KIAA1671: variants seen among roughly 807,000 people sequenced by gnomAD.
KIAA1671 encodes the protein uncharacterized protein KIAA1671.
KIAA1671 carries 52 observed loss-of-function variants against 131.2 expected under a neutral mutation model. That is an observed-to-expected ratio of 0.40 (90% CI 0.32 to 0.50). KIAA1671 has a LOEUF of 0.50. Among genes scored for constraint, KIAA1671 ranks in the 20% least tolerant of loss-of-function variants. KIAA1671 has a pLI of 0.73. For missense variants in KIAA1671, 2,360 were observed against 2,364.2 expected, an observed-to-expected ratio of 1.00 and a Z score of 0.04; for synonymous variants, 1,003 against 961.6, an observed-to-expected ratio of 1.04 and a Z score of -0.80.
At chr22:25,104,192 T>G (rs548734937) in intron 6 of KIAA1671, among the ~76,000 whole-genome samples, 1 of 152,078 alleles carries the variant, frequency 6.6e-6, no homozygotes, top group African/African-American at 2.4e-5. Context: ...TTGGCCAGGC[T>G]GGTCTCGAAC....
chr22:25,159,878 G>C (rs538888308), intron 6 of KIAA1671, among the ~76,000 whole-genome samples: 1 of 152,246 alleles, frequency 6.6e-6, no homozygotes, highest in East Asian at 1.9e-4. Context: ...TTGCTAATCA[G>C]TAAGGGCTGT....
intron 6 of KIAA1671, among the ~76,000 whole-genome samples, chr22:25,068,353 C>T (rs940465977): frequency 2.6e-5 from 4 of 152,272 alleles, no homozygotes; most frequent in Non-Finnish European, 5.9e-5. Flanking sequence ...AATGAAACCA[C>T]AGGCCTGCCT....
rs59411918 is a variant in KIAA1671 at position 25,074,514 on chromosome 22, A to AAAAAAG, written c.4530+25153_4530+25154insAAGAAA. Among the ~76,000 whole-genome samples, 483 of 117,372 alleles carry AAAAAAG rather than the reference A, an allele frequency of 4.1e-3. 9 individuals carry two copies. Among genetic ancestry groups the AAAAAAG allele is most frequent in the South Asian group, 0.01 (37 of 3,622 alleles). 77.0% of individuals were successfully genotyped at this position (117,372 alleles called of 152,430 possible). A position where few individuals can be genotyped will look rare whatever the true frequency, so the allele number is the denominator to read the frequency against. Reference sequence around the variant, plus strand: ...TGTGTCTCAAAAAAAAAAAAAAAAAAAAAGAAAGAAAGAAATTGAGGCATA... The same window carrying AAAAAAG: ...TGTGTCTCAAAAAAAAAAAAAAAAAAAAAAAGAAAGAAAGAAAGAAATTGAGGCATA... On this transcript the variant is annotated intron_variant, in intron 6 of 12. Coordinates refer to ENST00000358431, the MANE Select transcript of KIAA1671 (RefSeq NM_001145206.2).
Position 25,195,753 on chromosome 22 carries a change from C to T in KIAA1671, c.*3352C>T, listed in dbSNP as rs561984449. The T allele has an allele frequency of 1.3e-5, 2 of 152,216 alleles. No homozygotes were observed. The highest frequency in any genetic ancestry group is 6.5e-5 in the Admixed American group (1 of 15,292). 9.4% of individuals were successfully genotyped at this position (152,216 alleles called of 1,614,324 possible). ...CTTTAAAATTTTTCTTTATAATGCC[C>T]CCAGATGGCTCCTGGAACTAGTCGT... On this transcript the variant is annotated 3_prime_UTR_variant, in exon 13 of 13. Transcript: ENST00000358431.
chr22:25,021,051 G>A lies in KIAA1671; in HGVS notation c.-207-4582G>A, dbSNP rs368674893. Among the ~76,000 whole-genome samples, 42 of 152,238 alleles carry A rather than the reference G, an allele frequency of 2.8e-4. No individual in the cohort carries two copies. In the South Asian group the frequency reaches 6.2e-3, roughly 23 times the overall value. ...AGGAGGCCACAGCTGAGGCAGAATC[G>A]TCAGTGAGGAGGCTGATTTTATTTT... On this transcript the variant is annotated intron_variant, in intron 1 of 12. Transcript: ENST00000358431.
intron 6 of KIAA1671, chr22:25,060,496 A>G (rs1375739057): frequency 6.6e-6 from 1 of 152,210 alleles, no homozygotes; most frequent in African/African-American, 2.4e-5. Flanking sequence ...CCTGATTTCA[A>G]TGTGACATCT....
intron 1 of KIAA1671, among the ~76,000 whole-genome samples, chr22:25,003,343 C>A (rs555904981): frequency 6.7e-6 from 1 of 150,338 alleles, no homozygotes; most frequent in South Asian, 2.1e-4. Context: ...ATAAAACTTA[C>A]AACTACACAA....
chr22:24,964,764 A>G (rs1347516866), intron 1 of KIAA1671, among the ~76,000 whole-genome samples: 2 of 152,108 alleles, frequency 1.3e-5, no homozygotes, highest in Non-Finnish European at 2.9e-5. Context: ...TCCATTTTAC[A>G]GGTGAGGAAA....
intron 6 of KIAA1671, among the ~76,000 whole-genome samples, chr22:25,142,959 G>A (rs1932827443): frequency 6.6e-6 from 1 of 152,254 alleles, no homozygotes; most frequent in South Asian, 2.1e-4. Flanking sequence ...TTCAGAGGCA[G>A]GCCCCAGCTG....
intron 8 of KIAA1671, chr22:25,176,199 G>C (rs1187890281): frequency 1.3e-5 from 2 of 152,218 alleles, no homozygotes; most frequent in East Asian, 3.8e-4. Context: ...CTCTTTCACT[G>C]GTCCCGTGCA....
chr22:25,030,183 G>C (rs1329177166), intron 3 of KIAA1671, among the ~76,000 whole-genome samples: 2 of 152,182 alleles, frequency 1.3e-5, no homozygotes, highest in Non-Finnish European at 1.5e-5. Context: ...AAGTCAGCTG[G>C]TTAATACCGA....
chr22:24,973,450 G>A (rs1478414451), intron 1 of KIAA1671, among the ~76,000 whole-genome samples: 3 of 143,900 alleles, frequency 2.1e-5, no homozygotes, highest in Non-Finnish European at 3.0e-5. Context: ...CCAGGCTGGA[G>A]TGCAATGGCG....
intron 6 of KIAA1671, among the ~76,000 whole-genome samples, chr22:25,096,741 C>T (rs1031066561): frequency 6.6e-6 from 1 of 152,168 alleles, no homozygotes; most frequent in East Asian, 1.9e-4. Context: ...TTCCACACTC[C>T]CTGAGGCCTG....
At position 25,130,828 on chromosome 22, in the gene KIAA1671, C is replaced by A. The variant is rs1206374435; in HGVS notation, c.4531-39992C>A. On this transcript the variant is annotated intron_variant, in intron 6 of 12. Transcript: ENST00000358431. ...TAGCACAGCTTAGAGGCTTAGAGTC[C>A]CATGCCTGAATGTCAGGGGCAAGGC... Among the ~76,000 whole-genome samples, 4 of 152,144 alleles carry A rather than the reference C, an allele frequency of 2.6e-5. No individual in the cohort carries two copies. In the East Asian group the frequency reaches 7.7e-4, roughly 29 times the overall value.
At chr22:25,071,932 T>C (rs1191770072) in intron 6 of KIAA1671, among the ~76,000 whole-genome samples, 1 of 152,048 alleles carries the variant, frequency 6.6e-6, no homozygotes, top group Non-Finnish European at 1.5e-5. Flanking sequence ...ACAAGGACCA[T>C]GTATGTGTTA....
chr22:25,030,856 T>C (rs1159115636), intron 3 of KIAA1671, among the ~76,000 whole-genome samples: 2 of 152,220 alleles, frequency 1.3e-5, no homozygotes, highest in Non-Finnish European at 2.9e-5. Flanking sequence ...GCAGGATCTC[T>C]GGGCAGACTG....
intron 3 of KIAA1671, among the ~76,000 whole-genome samples, chr22:25,031,685 G>A (rs376444156): frequency 6.6e-6 from 1 of 152,144 alleles, no homozygotes; most frequent in African/African-American, 2.4e-5. Flanking sequence ...AGCCGGGGCT[G>A]ACAACCCCTG....
At chr22:25,070,146 G>A (rs1339681229) in intron 6 of KIAA1671, 14 of 379,148 alleles carry the variant, frequency 3.7e-5, no homozygotes, top group Non-Finnish European at 5.1e-5. Context: ...GAGATGCCCC[G>A]GGCGGGGCTC....
chr22:25,120,037 T>C (rs1931857462), intron 6 of KIAA1671, among the ~76,000 whole-genome samples: 3 of 152,206 alleles, frequency 2.0e-5, no homozygotes, highest in South Asian at 4.1e-4. Flanking sequence ...CAACTCTAGC[T>C]ACCACTTCTT....
Sources: gnomAD v4.1 joint callset for allele counts (sites outside exome capture counted in the v4.1 genomes callset) on GRCh38, gnomAD v4.1.1 for gene constraint, MANE v1.5 for transcripts, NCBI Gene and HGNC (gene_info 2026-07-23, HGNC 2026-07-21) for gene names.